The following PIK3CD variants were observed in gnomAD, a reference collection of about 807,000 sequenced individuals.
PIK3CD encodes the protein phosphatidylinositol 4,5-bisphosphate 3-kinase catalytic subunit delta isoform.
PIK3CD carries 20 observed loss-of-function variants against 122.9 expected under a neutral mutation model. The ratio of observed to expected loss-of-function variants is 0.16; its 90% CI spans 0.11 to 0.24. The LOEUF (loss-of-function observed/expected upper bound fraction) is 0.24. Among genes scored for constraint, PIK3CD ranks in the 10% least tolerant of loss-of-function variants. The pLI, the probability that PIK3CD is intolerant of heterozygous loss-of-function variation, is 1.00. For synonymous variants in PIK3CD, 596 were observed against 593.4 expected, an observed-to-expected ratio of 1.00 and a Z score of -0.06; for missense variants, 787 against 1,406.3, an observed-to-expected ratio of 0.56 and a Z score of 7.04.
chr1:9,718,295 G>A lies in PIK3CD; in HGVS notation c.1021-399G>A. 1 of 460,236 alleles carries A rather than the reference G, an allele frequency of 2.2e-6. No homozygotes were observed. The highest frequency in any genetic ancestry group is 2.5e-5 in the Admixed American group (1 of 40,510). The allele number at this position is 460,236 out of a possible 1,614,324, so 28.5% of individuals were successfully genotyped here. A position where few individuals can be genotyped will look rare whatever the true frequency, so the allele number is the denominator to read the frequency against. On this transcript the variant is annotated intron_variant, in intron 8 of 23. Coordinates refer to ENST00000377346, the MANE Select transcript of PIK3CD (RefSeq NM_005026.5). This position sits in a 1 kb window ranked among gnomAD's most constrained non-coding sequence, Gnocchi z 7.2. The stretch of plus-strand genomic sequence containing the variant: ...GGTGGTGTCAGGTGGAATTGGAAGG[G>A]GCCGGACATCAGGTGGCAGGAAAAG...
At chr1:9,673,604 T>C (rs1645407545) in intron 1 of PIK3CD, among the ~76,000 whole-genome samples, 1 of 152,112 alleles carries the variant, frequency 6.6e-6, no homozygotes, top group African/African-American at 2.4e-5. Context: ...AGTCTGGCTA[T>C]GTTGCCTAGG....
At chr1:9,634,281 C>T in the PIK3CD span, among the ~76,000 whole-genome samples, 20 of 151,822 alleles carry the variant, frequency 1.3e-4, 1 homozygote, top group Admixed American at 8.5e-4. Flanking sequence ...TCTGCCTCAG[C>T]CTCCTGAGTA....
intron 1 of PIK3CD, among the ~76,000 whole-genome samples, chr1:9,688,721 G>T (rs1471650564): frequency 6.6e-6 from 1 of 152,082 alleles, no homozygotes; most frequent in African/African-American, 2.4e-5. Flanking sequence ...TCAGCTACAC[G>T]GGAGGCTGGG....
intron 1 of PIK3CD, among the ~76,000 whole-genome samples, chr1:9,678,083 G>T (rs1570169938): frequency 2.0e-5 from 3 of 151,396 alleles, no homozygotes; most frequent in South Asian, 4.2e-4. Context: ...GGCGGAGGTT[G>T]CAGTGAGCCA....
At chr1:9,628,171 G>A in the PIK3CD span, among the ~76,000 whole-genome samples, 7 of 152,060 alleles carry the variant, frequency 4.6e-5, no homozygotes, top group African/African-American at 1.2e-4. Flanking sequence ...GCGTGGTGGC[G>A]CATTCCTGTA....
the PIK3CD span, among the ~76,000 whole-genome samples, chr1:9,636,632 G>A: frequency 0.22 from 34,111 of 152,068 alleles, 5,590 homozygotes; most frequent in East Asian, 0.58. Flanking sequence ...CCAGCCATAG[G>A]GAGAAGGCAG....
Position 9,724,668 on chromosome 1 carries a change from C to A in PIK3CD, c.2865-136C>A. On this transcript the variant is annotated intron_variant, in intron 22 of 23. Coordinates refer to ENST00000377346, the MANE Select transcript of PIK3CD (RefSeq NM_005026.5). This position sits in a 1 kb window ranked among gnomAD's most constrained non-coding sequence, Gnocchi z 7.3. ...GGGGCACGGGGGTCAGTTAGCAGAACTGGAGGCCTTGTGTCCACCCATTAT... is the reference window on the plus strand; with the variant it reads ...GGGGCACGGGGGTCAGTTAGCAGAAATGGAGGCCTTGTGTCCACCCATTAT... 1 of 1,224,064 alleles carries A rather than the reference C, an allele frequency of 8.2e-7. No individual in the cohort carries two copies. The highest frequency in any genetic ancestry group is 1.2e-6 in the Non-Finnish European group (1 of 830,316). 75.8% of individuals were successfully genotyped at this position (1,224,064 alleles called of 1,614,324 possible).
the PIK3CD span, among the ~76,000 whole-genome samples, chr1:9,640,739 C>A: frequency 3.9e-5 from 6 of 152,094 alleles, no homozygotes; most frequent in African/African-American, 1.4e-4. Context: ...ATCACAGTCC[C>A]GCCACTCCCC....
intron 1 of PIK3CD, among the ~76,000 whole-genome samples, chr1:9,678,203 C>T (rs1407286205): frequency 1.3e-5 from 2 of 151,616 alleles, no homozygotes; most frequent in Non-Finnish European, 2.9e-5. Context: ...GTGGCTCTCA[C>T]CTGTAGTCCT....
At chr1:9,691,710 A>AGAG (rs1235881191) in intron 2 of PIK3CD, 139 bp downstream of exon 2, 29 of 391,406 alleles carry the variant, frequency 7.4e-5, no homozygotes, top group Non-Finnish European at 2.3e-5. Context: ...TAGCACACCC[A>AGAG]GAGGAAGAGA....
At chr1:9,679,906 C>A (rs1297143980) in intron 1 of PIK3CD, among the ~76,000 whole-genome samples, 1 of 152,114 alleles carries the variant, frequency 6.6e-6, no homozygotes, top group Non-Finnish European at 1.5e-5. Context: ...CTCATTGCAA[C>A]CTCTGCCTCC....
upstream of PIK3CD, among the ~76,000 whole-genome samples, chr1:9,650,735 TA>T (rs1047139760): frequency 6.6e-6 from 1 of 151,332 alleles, no homozygotes; most frequent in Non-Finnish European, 1.5e-5. Context: ...GGAGAGAGGG[TA>T]AGGTGAATGA....
chr1:9,662,824 G>A (rs1645046837), intron 1 of PIK3CD, among the ~76,000 whole-genome samples: 1 of 152,086 alleles, frequency 6.6e-6, no homozygotes, highest in African/African-American at 2.4e-5. Flanking sequence ...AAGCAGCTGG[G>A]ATTACAGGTG....
chr1:9,718,915 G>T lies in PIK3CD; in HGVS notation c.1242G>T (p.Ala414=). 1.2e-6 allele frequency: 2 copies of T among 1,612,042 alleles called. No homozygotes were observed. Among genetic ancestry groups the T allele is most frequent in the East Asian group, 2.2e-5 (1 of 44,866 alleles). Residue 414 remains alanine, a splice_region_variant and synonymous_variant, in exon 9 of 24, where the codon GCG becomes GCT. Coordinates refer to ENST00000377346, the MANE Select transcript of PIK3CD (RefSeq NM_005026.5). This position sits in a 1 kb window ranked among gnomAD's most constrained non-coding sequence, Gnocchi z 7.2. ...ARSTKKKSKK[A]DCPIAWANLM... ...CCACCAAGAAGAAGTCCAAGAAGGCGGTGGGTCCCAGGGCCGGCTGGGAGG... is the reference window on the plus strand; with the variant it reads ...CCACCAAGAAGAAGTCCAAGAAGGCTGTGGGTCCCAGGGCCGGCTGGGAGG...
chr1:9,631,543 C>G, the PIK3CD span, among the ~76,000 whole-genome samples: 3 of 152,240 alleles, frequency 2.0e-5, no homozygotes, highest in East Asian at 5.8e-4. Context: ...GTAATCCCAG[C>G]TACTCAGGAG....
intron 1 of PIK3CD, among the ~76,000 whole-genome samples, chr1:9,659,211 C>T (rs911499588): frequency 4.6e-5 from 7 of 151,980 alleles, no homozygotes; most frequent in South Asian, 4.1e-4. Context: ...CTAATGCACG[C>T]GGGGCTTAAT....
chr1:9,685,749 G>A (rs988626192), intron 1 of PIK3CD, among the ~76,000 whole-genome samples: 8 of 152,068 alleles, frequency 5.3e-5, no homozygotes, highest in Admixed American at 3.9e-4. Flanking sequence ...TATCAATAGC[G>A]CACTGCAGCC....
Position 9,715,490 on chromosome 1 carries a change from C to T in PIK3CD, c.142-51C>T. ...TCTCCACCCTCCCTCAGCCTCCCAC[C>T]TCCCAGTGGCTGCCTTGGGTGGAGG... On this transcript the variant is annotated intron_variant, in intron 3 of 23. Transcript: ENST00000377346. This position sits in a 1 kb window ranked among gnomAD's most constrained non-coding sequence, Gnocchi z 4.1. The T allele has an allele frequency of 6.5e-7, 1 of 1,546,312 alleles. No homozygotes were observed.
At chr1:9,702,616 G>C (rs1306961903) in intron 2 of PIK3CD, among the ~76,000 whole-genome samples, 5 of 140,706 alleles carry the variant, frequency 3.6e-5, no homozygotes, top group Non-Finnish European at 7.6e-5. Flanking sequence ...CGCCTCCTGG[G>C]TTCAAGCGAT....
Sources: allele counts gnomAD v4.1 joint callset (sites outside exome capture counted in the v4.1 genomes callset), GRCh38; gene constraint gnomAD v4.1.1; non-coding constraint Gnocchi (gnomAD v3.1); transcripts MANE v1.5; gene names NCBI Gene and HGNC (gene_info 2026-07-23, HGNC 2026-07-21).